Variants in FOXN3 observed in about 807,000 individuals in gnomAD.
FOXN3 encodes forkhead box protein N3.
Under a neutral mutation model 38.4 loss-of-function variants are expected in FOXN3, and 7 were observed. The ratio of observed to expected loss-of-function variants is 0.18; its 90% CI spans 0.10 to 0.34. The LOEUF is 0.34. FOXN3 is among the 10% of genes least tolerant of loss of function. The pLI is 1.00. For missense variants in FOXN3, 456 were observed against 613.4 expected (o/e 0.74, Z 2.71); for synonymous variants, 230 against 242.2 (o/e 0.95, Z 0.47).
At chr14:89,436,289 T>TAAAAAAAA (rs77915176) in intron 1 of FOXN3, among the ~76,000 whole-genome samples, 1 of 134,820 alleles carries the variant, frequency 7.4e-6, no homozygotes, top group Non-Finnish European at 1.6e-5. Flanking sequence ...GTTTATTCAT[T>TAAAAAAAA]AAAAAAAAAA....
chr14:89,218,940 C>T (rs925086561), intron 4 of FOXN3, among the ~76,000 whole-genome samples: 7 of 152,234 alleles, frequency 4.6e-5, no homozygotes, highest in African/African-American at 1.4e-4. Flanking sequence ...CCCGCTAAGA[C>T]TTTCCCTAAC....
intron 2 of FOXN3, among the ~76,000 whole-genome samples, chr14:89,359,232 G>C (rs1017422912): frequency 6.6e-6 from 1 of 151,778 alleles, no homozygotes; most frequent in Admixed American, 6.6e-5. Context: ...GGAGGTGGAG[G>C]TTGCAGTGAG....
At chr14:89,558,543 G>A (rs1397865806) in intron 1 of FOXN3, among the ~76,000 whole-genome samples, 3 of 152,202 alleles carry the variant, frequency 2.0e-5, no homozygotes, top group Non-Finnish European at 4.4e-5. Context: ...TCAAAAACAA[G>A]GTAGGAACCT....
intron 1 of FOXN3, among the ~76,000 whole-genome samples, chr14:89,532,774 C>T (rs748236032): frequency 7.9e-5 from 12 of 152,094 alleles, no homozygotes; most frequent in Admixed American, 1.3e-4. Context: ...AATAATCGTG[C>T]CACTTACATA....
upstream of FOXN3, among the ~76,000 whole-genome samples, chr14:89,418,729 A>G (rs140132320): frequency 8.9e-4 from 134 of 151,354 alleles, no homozygotes; most frequent in African/African-American, 3.0e-3. Context: ...AGAAGTGGTA[A>G]CAAAGCCAGG....
chr14:89,171,324 C>A lies in FOXN3; in HGVS notation c.852-8355G>T, dbSNP rs537376038. Among the ~76,000 whole-genome samples, 11 of 152,148 alleles carry A rather than the reference C, an allele frequency of 7.2e-5. No individual in the cohort carries two copies. In the East Asian group the frequency reaches 2.1e-3, roughly 29 times the overall value. Reference sequence around the variant, plus strand: ...TCATCCCACAAGGAAAACATCAGTGCCAGACTATTTTGCAAGCAAGTTCCA... The same window carrying A: ...TCATCCCACAAGGAAAACATCAGTGACAGACTATTTTGCAAGCAAGTTCCA... On this transcript the variant is annotated intron_variant, in intron 5 of 5. Coordinates refer to ENST00000557258, the MANE Select transcript of FOXN3 (RefSeq NM_005197.4).
intron 3 of FOXN3, among the ~76,000 whole-genome samples, chr14:89,330,479 G>A (rs1191942150): frequency 2.0e-5 from 3 of 152,242 alleles, no homozygotes; most frequent in Admixed American, 6.5e-5. Flanking sequence ...TGGAGCCAGC[G>A]TGAATCACTG....
At chr14:89,395,022 T>C (rs1891065183) in intron 2 of FOXN3, among the ~76,000 whole-genome samples, 1 of 152,210 alleles carries the variant, frequency 6.6e-6, no homozygotes, top group Non-Finnish European at 1.5e-5. Context: ...GATTTTATTC[T>C]GACACTTCCC....
intron 4 of FOXN3, among the ~76,000 whole-genome samples, chr14:89,231,848 C>T (rs993268835): frequency 9.2e-5 from 14 of 152,034 alleles, no homozygotes; most frequent in African/African-American, 3.4e-4. Flanking sequence ...GGGGAACACA[C>T]GGGTAATTAA....
chr14:89,607,627 G>C (rs935688101), intron 1 of FOXN3, among the ~76,000 whole-genome samples: 3 of 151,706 alleles, frequency 2.0e-5, no homozygotes, highest in Admixed American at 6.6e-5. Flanking sequence ...AGTCAGCAGG[G>C]AGTGCCACAC....
At chr14:89,417,847 G>A (rs1391230436), upstream of FOXN3, 8 of 437,342 alleles carry the variant, frequency 1.8e-5, no homozygotes, top group Non-Finnish European at 3.7e-5. Context: ...CCGAGGGAGG[G>A]CCGGTGGCCA....
chr14:89,530,012 C>A (rs1030662260), intron 1 of FOXN3, among the ~76,000 whole-genome samples: 3 of 151,386 alleles, frequency 2.0e-5, no homozygotes, highest in African/African-American at 7.3e-5. Flanking sequence ...GCGATCTTGG[C>A]TCACTGCAAC....
intron 4 of FOXN3, among the ~76,000 whole-genome samples, chr14:89,187,522 A>G (rs1368543894): frequency 3.3e-5 from 5 of 152,214 alleles, no homozygotes; most frequent in Admixed American, 2.6e-4. Context: ...GCACAGGAAT[A>G]GCCTCTCACT....
At chr14:89,288,284 G>A (rs1342055055) in intron 3 of FOXN3, among the ~76,000 whole-genome samples, 2 of 152,064 alleles carry the variant, frequency 1.3e-5, no homozygotes, top group Non-Finnish European at 2.9e-5. Context: ...AGAGGGCAAT[G>A]CACCAATCAA....
intron 2 of FOXN3, among the ~76,000 whole-genome samples, chr14:89,379,188 T>C (rs561515882): frequency 6.6e-6 from 1 of 152,362 alleles, no homozygotes; most frequent in South Asian, 2.1e-4. Flanking sequence ...GGTCTGGCTG[T>C]GTCTCCTCGG....
At chr14:89,172,081 T>C (rs556837358) in intron 5 of FOXN3, among the ~76,000 whole-genome samples, 1 of 152,334 alleles carries the variant, frequency 6.6e-6, no homozygotes, top group South Asian at 2.1e-4. Context: ...AAATACATCA[T>C]ATTAATTTGT....
chr14:89,545,320 G>A (rs541865902), intron 1 of FOXN3, among the ~76,000 whole-genome samples: 48 of 152,288 alleles, frequency 3.2e-4, no homozygotes, highest in East Asian at 1.5e-3. Context: ...TCGTCGATAC[G>A]GGGGCCACCA....
chr14:89,370,811 T>C (rs575640982), intron 2 of FOXN3, among the ~76,000 whole-genome samples: 2 of 152,346 alleles, frequency 1.3e-5, no homozygotes, highest in South Asian at 2.1e-4. Context: ...GTAGGGTCCA[T>C]CTACCCCAGT....
At chr14:89,242,193 G>C (rs577605710) in intron 4 of FOXN3, among the ~76,000 whole-genome samples, 19 of 152,292 alleles carry the variant, frequency 1.2e-4, no homozygotes, top group African/African-American at 4.3e-4. Context: ...AGGTACGAGT[G>C]GTGCCCGCGT....
Sources: allele counts gnomAD v4.1 joint callset (sites outside exome capture counted in the v4.1 genomes callset), GRCh38; gene constraint gnomAD v4.1.1; transcripts MANE v1.5; gene names NCBI Gene and HGNC (gene_info 2026-07-23, HGNC 2026-07-21).